Variants in PCSK5 observed in about 807,000 individuals in gnomAD.
PCSK5 encodes the protein proprotein convertase subtilisin/kexin type 5, also known as prohormone convertase 5.
In PCSK5, 129 loss-of-function variants were observed where a neutral mutation model predicts 233.2. The observed-to-expected ratio is 0.55, with a 90% CI of 0.48 to 0.64. The LOEUF (loss-of-function observed/expected upper bound fraction) is 0.64. PCSK5 is among the 30% of genes least tolerant of loss of function. The pLI is 0.00. For synonymous variants in PCSK5, 825 were observed against 879.2 expected, an observed-to-expected ratio of 0.94 and a Z score of 1.09; for missense variants, 2,076 against 2,430.1, an observed-to-expected ratio of 0.85 and a Z score of 3.06.
chr9:75,958,716 A>G (rs1825204246), intron 2 of PCSK5, among the ~76,000 whole-genome samples: 1 of 152,228 alleles, frequency 6.6e-6, no homozygotes, highest in Non-Finnish European at 1.5e-5. Flanking sequence ...GACAGTGAAC[A>G]TTTGGGCAAA....
chr9:76,310,203 G>A (rs1413181886), intron 29 of PCSK5, among the ~76,000 whole-genome samples: 1 of 150,110 alleles, frequency 6.7e-6, no homozygotes, highest in East Asian at 2.0e-4. Flanking sequence ...AGCCAAGATC[G>A]CACCAGTGCA....
At chr9:76,053,166 G>C (rs1829693429) in intron 5 of PCSK5, among the ~76,000 whole-genome samples, 1 of 152,200 alleles carries the variant, frequency 6.6e-6, no homozygotes, top group African/African-American at 2.4e-5. Flanking sequence ...CCATTCTGGG[G>C]TCTGGAGGAT....
intron 5 of PCSK5, among the ~76,000 whole-genome samples, chr9:76,034,522 T>A (rs186905757): frequency 3.3e-5 from 5 of 152,076 alleles, no homozygotes; most frequent in Non-Finnish European, 5.9e-5. Context: ...TTCCTCCTCC[T>A]CCATTCGTCA....
At chr9:75,997,673 A>G (rs1827079703) in intron 3 of PCSK5, among the ~76,000 whole-genome samples, 1 of 152,222 alleles carries the variant, frequency 6.6e-6, no homozygotes, top group African/African-American at 2.4e-5. Context: ...TGGGTTCAGA[A>G]TGCAGAGGTG....
At chr9:76,146,063 T>A (rs559198704) in intron 10 of PCSK5, among the ~76,000 whole-genome samples, 12 of 152,186 alleles carry the variant, frequency 7.9e-5, no homozygotes, top group Non-Finnish European at 1.3e-4. Context: ...CTCAATTCAG[T>A]CTCTTTACAC....
At chr9:76,053,113 T>A (rs769055143) in intron 5 of PCSK5, among the ~76,000 whole-genome samples, 1 of 152,224 alleles carries the variant, frequency 6.6e-6, no homozygotes, top group Non-Finnish European at 1.5e-5. Flanking sequence ...ATTGAGTGTC[T>A]GCAGCTTTTC....
intron 1 of PCSK5, among the ~76,000 whole-genome samples, chr9:75,903,609 TA>T (rs1826146985): frequency 2.1e-5 from 3 of 142,546 alleles, no homozygotes; most frequent in African/African-American, 5.1e-5. Context: ...TATATATATA[TA>T]TTATATATAT....
At chr9:76,087,366 T>C (rs924846174) in intron 7 of PCSK5, among the ~76,000 whole-genome samples, 19 of 152,186 alleles carry the variant, frequency 1.2e-4, no homozygotes, top group Non-Finnish European at 2.1e-4. Context: ...AATGATAGGG[T>C]TGTAGGCAAG....
At chr9:76,073,412 A>C (rs1213561804) in intron 7 of PCSK5, among the ~76,000 whole-genome samples, 3 of 152,160 alleles carry the variant, frequency 2.0e-5, no homozygotes, top group African/African-American at 4.8e-5. Context: ...TCAGCTTCCT[A>C]TATTAGAGTC....
chr9:76,353,439 G>A (rs1232424247), intron 36 of PCSK5, among the ~76,000 whole-genome samples: 1 of 152,132 alleles, frequency 6.6e-6, no homozygotes, highest in Non-Finnish European at 1.5e-5. Flanking sequence ...ATAAATGCTG[G>A]GTCAAAGAAA....
At chr9:76,261,147 G>T (rs191601028) in intron 24 of PCSK5, among the ~76,000 whole-genome samples, 34 of 152,238 alleles carry the variant, frequency 2.2e-4, no homozygotes, top group African/African-American at 7.7e-4. Context: ...CACTAAAGAG[G>T]TACAGATGGA....
chr9:76,085,992 G>C (rs1831047727), intron 7 of PCSK5, among the ~76,000 whole-genome samples: 1 of 152,086 alleles, frequency 6.6e-6, no homozygotes, highest in Non-Finnish European at 1.5e-5. Flanking sequence ...CTCTATGAAA[G>C]GAATTTTTCA....
chr9:76,140,905 A>G (rs2131768390), intron 10 of PCSK5, among the ~76,000 whole-genome samples: 1 of 152,126 alleles, frequency 6.6e-6, no homozygotes, highest in Non-Finnish European at 1.5e-5. Flanking sequence ...GTGTAAAAGC[A>G]TCTACATTTA....
intron 9 of PCSK5, among the ~76,000 whole-genome samples, chr9:76,110,506 C>G (rs1177747825): frequency 6.6e-6 from 1 of 152,154 alleles, no homozygotes; most frequent in Non-Finnish European, 1.5e-5. Flanking sequence ...GCTGCTTCTA[C>G]CATTGGCCTC....
intron 20 of PCSK5, chr9:76,193,515 T>C: frequency 1.8e-6 from 1 of 558,542 alleles, no homozygotes. Context: ...AGGGAGATGG[T>C]GAACTGTTTT....
At chr9:75,976,170 G>A (rs1826003596) in intron 2 of PCSK5, among the ~76,000 whole-genome samples, 1 of 151,854 alleles carries the variant, frequency 6.6e-6, no homozygotes, top group South Asian at 2.1e-4. Context: ...GAAGGTTTGG[G>A]GATATAATCT....
chr9:76,291,477 G>T (rs542544677), intron 24 of PCSK5, among the ~76,000 whole-genome samples: 2 of 152,304 alleles, frequency 1.3e-5, no homozygotes, highest in African/African-American at 4.8e-5. Context: ...ACCTGCCAGA[G>T]GTAGCTCTGT....
intron 16 of PCSK5, among the ~76,000 whole-genome samples, chr9:76,182,418 A>G (rs1455892465): frequency 6.6e-6 from 1 of 152,242 alleles, no homozygotes; most frequent in African/African-American, 2.4e-5. Flanking sequence ...ATGATCAGGT[A>G]CTGTAGTCCA....
chr9:76,068,062 C>G lies in PCSK5; in HGVS notation c.721+19C>G, dbSNP rs371548892. On this transcript the variant is annotated intron_variant, in intron 6 of 37. Coordinates refer to ENST00000674117, the MANE Select transcript of PCSK5 (RefSeq NM_001372043.1). Reference sequence around the variant, plus strand: ...ATCGGAGGTATGGGAAACCAACTCACGTGGATGTAGAAATGCGCCAGTTAG... The same window carrying G: ...ATCGGAGGTATGGGAAACCAACTCAGGTGGATGTAGAAATGCGCCAGTTAG... 2.5e-6 allele frequency: 4 copies of G among 1,572,004 alleles called. No homozygotes were observed. In the African/African-American group the frequency reaches 4.0e-5, roughly 16 times the overall value.
Sources: allele counts gnomAD v4.1 joint callset (sites outside exome capture counted in the v4.1 genomes callset), GRCh38; gene constraint gnomAD v4.1.1; transcripts MANE v1.5; gene names NCBI Gene and HGNC (gene_info 2026-07-23, HGNC 2026-07-21).